FBXO28: variants seen among roughly 807,000 people sequenced by gnomAD.
FBXO28 encodes F-box only protein 28.
Under a neutral mutation model 38.1 loss-of-function variants are expected in FBXO28, and 8 were observed. The ratio of observed to expected loss-of-function variants is 0.21; its 90% CI spans 0.12 to 0.38. The LOEUF (loss-of-function observed/expected upper bound fraction) is 0.38. Among genes scored for constraint, FBXO28 ranks in the 10% least tolerant of loss-of-function variants. The pLI, the probability that FBXO28 is intolerant of heterozygous loss-of-function variation, is 1.00. For missense variants in FBXO28, 345 were observed against 460.6 expected (o/e 0.75, Z 2.30); for synonymous variants, 168 against 173.8 (o/e 0.97, Z 0.26).
chr1:224,138,205 G>C (rs751687714), intron 3 of FBXO28, among the ~76,000 whole-genome samples: 16 of 151,698 alleles, frequency 1.1e-4, no homozygotes, highest in Non-Finnish European at 1.8e-4. Context: ...TCCAGCCTGG[G>C]CTACAGAGTG....
intron 2 of FBXO28, among the ~76,000 whole-genome samples, chr1:224,132,550 A>C (rs145315900): frequency 2.0e-5 from 3 of 152,252 alleles, no homozygotes; most frequent in Non-Finnish European, 4.4e-5. Context: ...TCACGCCTGT[A>C]ATGCCAGCAG....
chr1:224,118,017 ATTTATTTATTTAT>A (rs1345711251), intron 1 of FBXO28, among the ~76,000 whole-genome samples: 1 of 138,666 alleles, frequency 7.2e-6, no homozygotes, highest in African/African-American at 2.6e-5. Flanking sequence ...TTATTTATTT[ATTTATTTATTTAT>A]TTTTAATTTT....
In FBXO28 at chr1:224,160,393, G is replaced by A. The variant is rs1293661365; in HGVS notation, c.*2647G>A. ...TCTTCCTTGGCTGTTTTTCAGAGGA[G>A]ACGTCTCCATGTTAATGGGTCCTTC... On this transcript the variant is annotated 3_prime_UTR_variant, in exon 5 of 5. Transcript: ENST00000366862. 6.6e-6 allele frequency: 1 copy of A among 152,176 alleles called. No homozygotes were observed. Among genetic ancestry groups the A allele is most frequent in the African/African-American group, 2.4e-5 (1 of 41,456 alleles). The allele number at this position is 152,176 out of a possible 1,614,324, so 9.4% of individuals were successfully genotyped here. A position where few individuals can be genotyped will look rare whatever the true frequency, so the allele number is the denominator to read the frequency against.
chr1:224,140,001 C>T (rs376298289), intron 3 of FBXO28, among the ~76,000 whole-genome samples: 2 of 152,026 alleles, frequency 1.3e-5, no homozygotes, highest in Non-Finnish European at 1.5e-5. Context: ...TGAGGTGGGA[C>T]GATTGCTTGA....
chr1:224,137,928 T>C (rs1657234844), intron 3 of FBXO28, among the ~76,000 whole-genome samples: 1 of 151,828 alleles, frequency 6.6e-6, no homozygotes, highest in Non-Finnish European at 1.5e-5. Context: ...GGGGACTATA[T>C]TGATAGGGCA....
chr1:224,159,464 A>G lies in FBXO28; in HGVS notation c.*1718A>G, dbSNP rs746511744. On this transcript the variant is annotated 3_prime_UTR_variant, in exon 5 of 5. Coordinates refer to ENST00000366862, the MANE Select transcript of FBXO28 (RefSeq NM_015176.4). ...CCATTTACAATGTAGTATGTTTTCAATGAAAAACCATAAAGTAACATCCAA... is the reference window on the plus strand; with the variant it reads ...CCATTTACAATGTAGTATGTTTTCAGTGAAAAACCATAAAGTAACATCCAA... 6.6e-6 allele frequency: 1 copy of G among 152,660 alleles called. No homozygotes were observed. The highest frequency in any genetic ancestry group is 2.4e-5 in the African/African-American group (1 of 41,462). The allele number at this position is 152,660 out of a possible 1,614,324, so 9.5% of individuals were successfully genotyped here. A position where few individuals can be genotyped will look rare whatever the true frequency, so the allele number is the denominator to read the frequency against.
chr1:224,159,012 G>T lies in FBXO28; in HGVS notation c.*1266G>T, dbSNP rs1317442830. ...CTTGCACTGTTCAACCTCCTGAGTG[G>T]TCGCTTTAACAACCTCCAAATTGTG... is the stretch of plus-strand genomic sequence containing the variant. On this transcript the variant is annotated 3_prime_UTR_variant, in exon 5 of 5. Coordinates refer to ENST00000366862, the MANE Select transcript of FBXO28 (RefSeq NM_015176.4). 2 of 152,462 alleles carry T rather than the reference G, an allele frequency of 1.3e-5. No homozygotes were observed. Among genetic ancestry groups the T allele is most frequent in the East Asian group, 3.8e-4 (2 of 5,196 alleles). The allele number at this position is 152,462 out of a possible 1,614,324, so 9.4% of individuals were successfully genotyped here. A position where few individuals can be genotyped will look rare whatever the true frequency, so the allele number is the denominator to read the frequency against.
At chr1:224,133,875 T>C (rs1429567734) in intron 2 of FBXO28, among the ~76,000 whole-genome samples, 199 bp from the exon 3 acceptor site, 2 of 152,006 alleles carry the variant, frequency 1.3e-5, no homozygotes, top group Non-Finnish European at 1.5e-5. Flanking sequence ...TCAAATATTT[T>C]GTCAATGAGT....
intron 3 of FBXO28, among the ~76,000 whole-genome samples, chr1:224,139,899 C>G (rs73124474): frequency 0.039 from 5,862 of 152,050 alleles, 345 homozygotes; most frequent in African/African-American, 0.13. Flanking sequence ...CGAGACCAAC[C>G]TGGGCTGCAA....
In FBXO28 at chr1:224,159,191, G is replaced by A. The variant is rs529224393; in HGVS notation, c.*1445G>A. The A allele has an allele frequency of 6.6e-6, 1 of 152,340 alleles. No homozygotes were observed. Among genetic ancestry groups the A allele is most frequent in the South Asian group, 2.1e-4 (1 of 4,776 alleles). 9.4% of individuals were successfully genotyped at this position (152,340 alleles called of 1,614,324 possible). A position where few individuals can be genotyped will look rare whatever the true frequency, so the allele number is the denominator to read the frequency against. ...GCTTCAGTTATTTAAAGTAAATTTA[G>A]GTGTAATATAGAAAACTGTCCCTTT... On this transcript the variant is annotated 3_prime_UTR_variant, in exon 5 of 5. Transcript: ENST00000366862.
At chr1:224,154,441 C>T (rs1340266680) in intron 4 of FBXO28, among the ~76,000 whole-genome samples, 1 of 151,908 alleles carries the variant, frequency 6.6e-6, no homozygotes, top group African/African-American at 2.4e-5. Flanking sequence ...GAGGCCGAGG[C>T]GGGCCGATCA....
At chr1:224,115,629 A>G (rs980752916) in intron 1 of FBXO28, among the ~76,000 whole-genome samples, 12 of 152,354 alleles carry the variant, frequency 7.9e-5, no homozygotes, top group East Asian at 3.9e-4. Context: ...TCAGCTGAAA[A>G]TAGATATTTC....
intron 2 of FBXO28, among the ~76,000 whole-genome samples, chr1:224,133,446 T>C (rs1236447969): frequency 6.6e-6 from 1 of 152,180 alleles, no homozygotes; most frequent in Non-Finnish European, 1.5e-5. Context: ...TATATTTCCA[T>C]GTGTAATCCA....
chr1:224,123,193 A>C, intron 1 of FBXO28, among the ~76,000 whole-genome samples: 1 of 152,148 alleles, frequency 6.6e-6, no homozygotes, highest in South Asian at 2.1e-4. Flanking sequence ...AAACTAATAC[A>C]TTTTATTTAT....
chr1:224,132,694 T>A (rs1477132718), intron 2 of FBXO28, among the ~76,000 whole-genome samples: 1 of 151,646 alleles, frequency 6.6e-6, no homozygotes, highest in Non-Finnish European at 1.5e-5. Flanking sequence ...AATCCCAGCT[T>A]CTTAGGAGGC....
intron 1 of FBXO28, among the ~76,000 whole-genome samples, chr1:224,117,347 T>TC: frequency 6.6e-6 from 1 of 152,072 alleles, no homozygotes; most frequent in East Asian, 2.0e-4. Flanking sequence ...TTTCGTATTT[T>TC]AGTAGAGACG....
chr1:224,141,610 T>C (rs971342407), intron 3 of FBXO28, among the ~76,000 whole-genome samples: 1 of 152,208 alleles, frequency 6.6e-6, no homozygotes, highest in Non-Finnish European at 1.5e-5. Context: ...CTTACACACA[T>C]AGGCTATATG....
intron 3 of FBXO28, among the ~76,000 whole-genome samples, chr1:224,148,756 T>C (rs1657571371): frequency 6.6e-6 from 1 of 152,144 alleles, no homozygotes; most frequent in Non-Finnish European, 1.5e-5. Flanking sequence ...TGAATTGCTA[T>C]CCTATCACCT....
At chr1:224,126,560 G>C (rs1005463130) in intron 1 of FBXO28, among the ~76,000 whole-genome samples, 12 of 152,182 alleles carry the variant, frequency 7.9e-5, no homozygotes, top group African/African-American at 2.9e-4. Context: ...CAACGCCTGT[G>C]AACCTAGCAC....
Sources: gnomAD v4.1 joint callset for allele counts (sites outside exome capture counted in the v4.1 genomes callset) on GRCh38, gnomAD v4.1.1 for gene constraint, MANE v1.5 for transcripts, NCBI Gene and HGNC (gene_info 2026-07-23, HGNC 2026-07-21) for gene names.